KIF13B: variants seen among roughly 807,000 people sequenced by gnomAD.
The protein encoded by KIF13B is kinesin-like protein KIF13B.
Under a neutral mutation model 222.0 loss-of-function variants are expected in KIF13B, and 127 were observed. That is an observed-to-expected ratio of 0.57 (90% confidence interval 0.50 to 0.66). The LOEUF (loss-of-function observed/expected upper bound fraction) is 0.66. Among genes scored for constraint, KIF13B ranks in the 30% least tolerant of loss-of-function variants. The pLI is 0.00. For synonymous variants in KIF13B, 976 were observed against 919.0 expected, an observed-to-expected ratio of 1.06 and a Z score of -1.12; for missense variants, 2,173 against 2,379.0, an observed-to-expected ratio of 0.91 and a Z score of 1.80.
intron 2 of KIF13B, among the ~76,000 whole-genome samples, chr8:29,221,350 G>A (rs1183017407): frequency 6.6e-6 from 1 of 151,256 alleles, no homozygotes; most frequent in African/African-American, 2.4e-5. Context: ...TGATCTGCCC[G>A]CTTCGGCCTC....
At position 29,130,937 on chromosome 8, in the gene KIF13B, T is replaced by C. The variant is rs865914747; in HGVS notation, c.2943-272A>G. Among the ~76,000 whole-genome samples the C allele has an allele frequency of 8.5e-5, 13 of 152,208 alleles. No individual in the cohort carries two copies. In the Middle Eastern group the frequency reaches 0.01, roughly 119 times the overall value. ...CTATTTCAAAGTCGTTACTCAAAAA[T>C]TGGAAATTCTAATCAGATGTACAGA... On this transcript the variant is annotated intron_variant, in intron 23 of 39. Coordinates refer to ENST00000524189, the MANE Select transcript of KIF13B (RefSeq NM_015254.4).
At chr8:29,232,443 T>C (rs1332659991) in intron 2 of KIF13B, among the ~76,000 whole-genome samples, 1 of 147,198 alleles carries the variant, frequency 6.8e-6, no homozygotes, top group African/African-American at 2.5e-5. Context: ...AAAAAATAAA[T>C]ATATATATAT....
intron 19 of KIF13B, 168 bp from the exon 20 acceptor site, chr8:29,140,785 G>T: frequency 1.6e-6 from 1 of 607,836 alleles, no homozygotes; most frequent in South Asian, 2.3e-5. Flanking sequence ...GCACAGCGCT[G>T]TATTACTCCC....
chr8:29,245,400 G>A lies in KIF13B; in HGVS notation c.95C>T (p.Ala32Val), dbSNP rs1336501112. Residue 32 changes from alanine to valine, a missense_variant, in exon 2 of 40, where the codon GCA becomes GTA. This residue lies in a region of KIF13B where 1,480 missense variants were observed against 1,722.8 expected (regional missense o/e 0.86). Coordinates refer to ENST00000524189, the MANE Select transcript of KIF13B (RefSeq NM_015254.4). ...TACAGGATTAAGAATAACCTTGTTT[G>A]CATCCACATCCACCACACATTTGGT... ...LHTKCVVDVD[A>V]NKVILNPVNT... 1 of 1,603,242 alleles carries A rather than the reference G, an allele frequency of 6.2e-7. No homozygotes were observed. Among genetic ancestry groups the A allele is most frequent in the Non-Finnish European group, 8.5e-7 (1 of 1,174,254 alleles).
intron 1 of KIF13B, among the ~76,000 whole-genome samples, chr8:29,252,524 C>A (rs886981540): frequency 6.6e-6 from 1 of 152,200 alleles, no homozygotes; most frequent in African/African-American, 2.4e-5. Context: ...TCCTAAATAT[C>A]TAACTATAAT....
At chr8:29,249,937 A>G (rs776033762) in intron 1 of KIF13B, 40 of 823,216 alleles carry the variant, frequency 4.9e-5, no homozygotes, top group Non-Finnish European at 6.7e-5. Flanking sequence ...AAATGCTGCA[A>G]GAAAGTCTCA....
chr8:29,209,453 A>G (rs1814107962), intron 2 of KIF13B, among the ~76,000 whole-genome samples: 1 of 152,164 alleles, frequency 6.6e-6, no homozygotes, highest in Non-Finnish European at 1.5e-5. Flanking sequence ...CCAATGTCAC[A>G]AAGGCCAGTG....
intron 20 of KIF13B, 46 bp from the exon 21 acceptor site, chr8:29,140,237 G>A (rs376280369): frequency 6.0e-5 from 96 of 1,608,734 alleles, no homozygotes; most frequent in Non-Finnish European, 7.0e-5. Context: ...GATTTGGTTC[G>A]TGCTCCCTTG....
At chr8:29,172,932 TGA>T (rs1812310749) in intron 10 of KIF13B, among the ~76,000 whole-genome samples, 1 of 151,612 alleles carries the variant, frequency 6.6e-6, no homozygotes. Context: ...TTTTTTTTTT[TGA>T]GAGGGTTGTC....
intron 2 of KIF13B, among the ~76,000 whole-genome samples, chr8:29,237,806 T>C (rs985503600): frequency 2.0e-5 from 3 of 152,210 alleles, no homozygotes; most frequent in Non-Finnish European, 4.4e-5. Context: ...TTCTTATCTT[T>C]TTAGCTTTTA....
intron 29 of KIF13B, among the ~76,000 whole-genome samples, chr8:29,119,705 A>G (rs902383298): frequency 3.3e-5 from 5 of 152,188 alleles, no homozygotes; most frequent in Non-Finnish European, 4.4e-5. Flanking sequence ...ACAGGCCAGA[A>G]TCACCCTCAG....
intron 14 of KIF13B, among the ~76,000 whole-genome samples, chr8:29,153,210 G>A (rs1221236673): frequency 6.6e-6 from 1 of 152,016 alleles, no homozygotes; most frequent in Non-Finnish European, 1.5e-5. Context: ...AGTAAAGAGG[G>A]AACCATTACA....
rs1182812157 is a variant in KIF13B at position 29,181,381 on chromosome 8, G to C, written c.585+538C>G. On this transcript the variant is annotated intron_variant, in intron 7 of 39. Coordinates refer to ENST00000524189, the MANE Select transcript of KIF13B (RefSeq NM_015254.4). ...TACTGAAAGCACCTACCATAGGACA[G>C]GTACTTTTCAGACACTGAGAATATA... is the stretch of plus-strand genomic sequence containing the variant. 7.9e-5 allele frequency among the ~76,000 whole-genome samples: 12 copies of C among 152,086 alleles called. 1 individual carries two copies. Among genetic ancestry groups the C allele is most frequent in the Non-Finnish European group, 1.6e-4 (11 of 68,004 alleles).
intron 36 of KIF13B, among the ~76,000 whole-genome samples, chr8:29,095,602 A>G (rs1336592885): frequency 1.3e-5 from 2 of 152,168 alleles, no homozygotes; most frequent in Admixed American, 1.3e-4. Context: ...CCCCATCTCT[A>G]CTAAAAATAC....
chr8:29,081,707 T>C (rs1301491478), intron 37 of KIF13B, among the ~76,000 whole-genome samples: 1 of 152,242 alleles, frequency 6.6e-6, no homozygotes, highest in Non-Finnish European at 1.5e-5. Context: ...TTTACTTCCT[T>C]AAACGTGGCT....
intron 2 of KIF13B, among the ~76,000 whole-genome samples, chr8:29,231,916 C>T (rs1199891436): frequency 6.6e-6 from 1 of 152,038 alleles, no homozygotes; most frequent in Middle Eastern, 3.2e-3. Flanking sequence ...AAGATTCCAG[C>T]TACATATTCC....
At chr8:29,104,572 G>A (rs1283533324) in intron 35 of KIF13B, among the ~76,000 whole-genome samples, 1 of 152,082 alleles carries the variant, frequency 6.6e-6, no homozygotes, top group East Asian at 1.9e-4. Flanking sequence ...GGCTCAGCTG[G>A]ACCATTAAAA....
chr8:29,070,347 A>AGGCCCAGGGAGGTCACC lies in KIF13B; in HGVS notation c.*140_*156dup. Reference sequence around the variant, plus strand: ...GGTACAGAAGAAACAAAGCTTCCAGAGGCCCAGGGAGGTCACCAGCCCTGT... The same window carrying AGGCCCAGGGAGGTCACC: ...GGTACAGAAGAAACAAAGCTTCCAGAGGCCCAGGGAGGTCACCGGCCCAGGGAGGTCACCAGCCCTGT... On this transcript the variant is annotated 3_prime_UTR_variant, in exon 40 of 40. Transcript: ENST00000524189. The surrounding 1 kb of genome is among the most constrained non-coding windows in gnomAD (Gnocchi z 4.1). 1 of 731,228 alleles carries AGGCCCAGGGAGGTCACC rather than the reference A, an allele frequency of 1.4e-6. No homozygotes were observed. Among genetic ancestry groups the AGGCCCAGGGAGGTCACC allele is most frequent in the Non-Finnish European group, 2.2e-6 (1 of 456,330 alleles). The allele number at this position is 731,228 out of a possible 1,614,324, so 45.3% of individuals were successfully genotyped here. A position where few individuals can be genotyped will look rare whatever the true frequency, so the allele number is the denominator to read the frequency against.
chr8:29,145,326 T>C (rs192533211), intron 18 of KIF13B, among the ~76,000 whole-genome samples: 2 of 152,316 alleles, frequency 1.3e-5, no homozygotes, highest in Admixed American at 6.5e-5. Context: ...TATGATGTCA[T>C]AGGGAAAGAT....
Sources: allele counts gnomAD v4.1 joint callset (sites outside exome capture counted in the v4.1 genomes callset), GRCh38; gene constraint gnomAD v4.1.1; regional missense constraint gnomAD v4.1.1; non-coding constraint Gnocchi (gnomAD v3.1); transcripts MANE v1.5; gene names NCBI Gene and HGNC (gene_info 2026-07-23, HGNC 2026-07-21).